Variants in CAPZA2 observed in about 807,000 individuals in gnomAD.
CAPZA2 encodes F-actin-capping protein subunit alpha-2.
Under a neutral mutation model 44.0 loss-of-function variants are expected in CAPZA2, and 13 were observed. The observed-to-expected ratio is 0.30, with a 90% CI of 0.19 to 0.47. The LOEUF (loss-of-function observed/expected upper bound fraction) is 0.47. CAPZA2 is among the 20% of genes least tolerant of loss of function. The probability of loss-of-function intolerance (pLI) is 1.00; values close to 1 mark genes in which losing one functional copy is unlikely to be tolerated. For synonymous variants in CAPZA2, 94 were observed against 108.2 expected (o/e 0.87, Z 0.81); for missense variants, 244 against 338.6 (o/e 0.72, Z 2.19).
chr7:116,909,870 G>T (rs942091540), intron 6 of CAPZA2: 4 of 190,120 alleles, frequency 2.1e-5, no homozygotes, highest in Non-Finnish European at 4.4e-5. Flanking sequence ...GTTTTGTTTT[G>T]TTTTTTTTAA....
intron 1 of CAPZA2, among the ~76,000 whole-genome samples, chr7:116,882,560 TCAGA>T (rs1457430862): frequency 6.6e-6 from 1 of 152,184 alleles, no homozygotes; most frequent in African/African-American, 2.4e-5. Context: ...TTGTATTGTC[TCAGA>T]CAGTTGATGG....
chr7:116,917,420 A>G (rs868160309), intron 9 of CAPZA2, among the ~76,000 whole-genome samples: 7 of 152,052 alleles, frequency 4.6e-5, no homozygotes, highest in Middle Eastern at 6.8e-3. Flanking sequence ...ATGCCCGACT[A>G]ATTTTTTTTT....
rs754766168 is a variant in CAPZA2 at position 116,892,974 on chromosome 7, A to C, written c.104-20A>C. ...GAAACATATAACAATAATAATGTAG[A>C]TAACATAATTGTTTTGCAGATGTTC... On this transcript the variant is annotated intron_variant, in intron 2 of 9. Transcript: ENST00000361183. 1.3e-6 allele frequency: 2 copies of C among 1,550,662 alleles called. No individual in the cohort carries two copies. Among genetic ancestry groups the C allele is most frequent in the Non-Finnish European group, 1.8e-6 (2 of 1,128,018 alleles).
In CAPZA2 at chr7:116,911,011, AAG is replaced by A. The variant is rs1554411725; in HGVS notation, c.585+701_585+702del. Among the ~76,000 whole-genome samples, 4 of 150,762 alleles carry A rather than the reference AAG, an allele frequency of 2.7e-5. No individual in the cohort carries two copies. The East Asian group carries it at 5.8e-4, about 22-fold the overall frequency. On this transcript the variant is annotated intron_variant, in intron 7 of 9. Coordinates refer to ENST00000361183, the MANE Select transcript of CAPZA2 (RefSeq NM_006136.3). ...GTCTCAAAAAAAAAAAAAAAAAAAA[AAG>A]CATACGTGATTGTTTGAAGATTTAG...
At chr7:116,896,058 T>C (rs563268375) in intron 3 of CAPZA2, among the ~76,000 whole-genome samples, 1 of 152,156 alleles carries the variant, frequency 6.6e-6, no homozygotes, top group East Asian at 1.9e-4. Context: ...AGACTGTTTC[T>C]TTTTCACTTG....
At chr7:116,882,584 A>T (rs2115905853) in intron 1 of CAPZA2, among the ~76,000 whole-genome samples, 1 of 151,960 alleles carries the variant, frequency 6.6e-6, no homozygotes, top group Non-Finnish European at 1.5e-5. Context: ...GGCAGAAATT[A>T]TTTTTTTTCT....
intron 1 of CAPZA2, among the ~76,000 whole-genome samples, chr7:116,872,897 A>G (rs910323823): frequency 6.6e-6 from 1 of 152,204 alleles, no homozygotes; most frequent in African/African-American, 2.4e-5. Flanking sequence ...TGGGTGCAAT[A>G]TCTGGTCACC....
At chr7:116,901,269 A>T (rs562880054) in intron 4 of CAPZA2, among the ~76,000 whole-genome samples, 1 of 152,288 alleles carries the variant, frequency 6.6e-6, no homozygotes, top group South Asian at 2.1e-4. Context: ...AATATCAGTG[A>T]TGATAGACTA....
chr7:116,911,061 G>A (rs1451038074), intron 7 of CAPZA2, among the ~76,000 whole-genome samples: 1 of 151,492 alleles, frequency 6.6e-6, no homozygotes, highest in East Asian at 1.9e-4. Context: ...AAAGGGTTAG[G>A]ACAGACAGAC....
At chr7:116,894,385 CAG>C (rs1796898027) in intron 3 of CAPZA2, among the ~76,000 whole-genome samples, 1 of 149,624 alleles carries the variant, frequency 6.7e-6, no homozygotes, top group African/African-American at 2.5e-5. Context: ...AAAAATCTGA[CAG>C]GGAAAATTTC....
At chr7:116,875,020 TG>T (rs1217700484) in intron 1 of CAPZA2, 2 of 152,212 alleles carry the variant, frequency 1.3e-5, no homozygotes, top group African/African-American at 4.8e-5. Context: ...GCCCAGGAAG[TG>T]GAGGTTGCAG....
intron 3 of CAPZA2, among the ~76,000 whole-genome samples, chr7:116,896,402 C>CCTTTTAGG: frequency 6.6e-6 from 1 of 152,044 alleles, no homozygotes; most frequent in East Asian, 1.9e-4. Context: ...GATAAATAAG[C>CCTTTTAGG]CTTTTAGGGA....
At chr7:116,879,249 A>G (rs925813070) in intron 1 of CAPZA2, among the ~76,000 whole-genome samples, 3 of 152,114 alleles carry the variant, frequency 2.0e-5, no homozygotes, top group African/African-American at 7.2e-5. Context: ...CCAAGGTCAC[A>G]TCGCTAATGA....
intron 6 of CAPZA2, 185 bp downstream of exon 6, chr7:116,906,527 T>A: frequency 1.0e-6 from 1 of 1,002,534 alleles, no homozygotes; most frequent in East Asian, 3.0e-5. Context: ...CTAAAGGTAG[T>A]GGTAAATCTG....
chr7:116,892,973 G>A (rs1193779111), intron 2 of CAPZA2, 21 bp from the exon 3 acceptor site: 1 of 1,544,154 alleles, frequency 6.5e-7, no homozygotes, highest in African/African-American at 1.4e-5. Context: ...TAATAATGTA[G>A]ATAACATAAT....
chr7:116,890,413 A>G (rs1410125651), intron 2 of CAPZA2, among the ~76,000 whole-genome samples: 5 of 149,950 alleles, frequency 3.3e-5, no homozygotes, highest in South Asian at 2.1e-4. Flanking sequence ...GCTCATGCCT[A>G]TAATGCCAGC....
intron 4 of CAPZA2, among the ~76,000 whole-genome samples, chr7:116,902,955 C>T (rs1036171546): frequency 2.6e-5 from 4 of 152,140 alleles, no homozygotes; most frequent in African/African-American, 9.7e-5. Flanking sequence ...TGAAGCTATC[C>T]TGCCCCCTTG....
chr7:116,871,025 G>C (rs1467078014), intron 1 of CAPZA2, among the ~76,000 whole-genome samples: 2 of 152,232 alleles, frequency 1.3e-5, no homozygotes, highest in African/African-American at 2.4e-5. Context: ...TAGAGAAACA[G>C]CTTGGAAAAG....
intron 1 of CAPZA2, chr7:116,874,986 G>A (rs1203563103): frequency 1.3e-5 from 2 of 152,420 alleles, no homozygotes; most frequent in Admixed American, 1.3e-4. Flanking sequence ...CTACTTGGGA[G>A]GCTGAGGTGG....
Sources: gnomAD v4.1 joint callset for allele counts (sites outside exome capture counted in the v4.1 genomes callset) on GRCh38, gnomAD v4.1.1 for gene constraint, MANE v1.5 for transcripts, NCBI Gene and HGNC (gene_info 2026-07-23, HGNC 2026-07-21) for gene names.